The following SLC25A13 variants were observed in gnomAD, a reference collection of about 807,000 sequenced individuals.
SLC25A13 encodes the protein solute carrier family 25 member 13, also known as electrogenic aspartate/glutamate antiporter SLC25A13, mitochondrial.
Under a neutral mutation model 85.5 loss-of-function variants are expected in SLC25A13, and 70 were observed. That is an observed-to-expected ratio of 0.82 (90% CI 0.68 to 1.00). The LOEUF is 1.00. Ranked by LOEUF, SLC25A13 falls within the 50% of genes least tolerant of loss-of-function variation. The pLI is 0.00. For missense variants in SLC25A13, 765 were observed against 819.8 expected (o/e 0.93, Z 0.82); for synonymous variants, 259 against 288.7 (o/e 0.90, Z 1.04).
At chr7:96,193,260 A>T in intron 5 of SLC25A13, 77 bp from the exon 6 acceptor site, 1 of 1,540,876 alleles carries the variant, frequency 6.5e-7, no homozygotes, top group Non-Finnish European at 8.9e-7. Flanking sequence ...TCATTTTAAA[A>T]TCAGACTGAA....
At chr7:96,306,260 C>G (rs1799739034) in intron 1 of SLC25A13, among the ~76,000 whole-genome samples, 2 of 152,198 alleles carry the variant, frequency 1.3e-5, no homozygotes, top group Admixed American at 1.3e-4. Flanking sequence ...ATCCAGAGAT[C>G]AAAAGAAAAT....
chr7:96,202,245 C>T (rs1163199029), intron 5 of SLC25A13, among the ~76,000 whole-genome samples: 1 of 152,162 alleles, frequency 6.6e-6, no homozygotes, highest in African/African-American at 2.4e-5. Flanking sequence ...GTCTGGGATG[C>T]CAGACACAGC....
At chr7:96,272,219 C>T (rs1320389127) in intron 3 of SLC25A13, among the ~76,000 whole-genome samples, 3 of 152,010 alleles carry the variant, frequency 2.0e-5, no homozygotes, top group African/African-American at 7.2e-5. Context: ...AACATTTTTG[C>T]TCTTTCTTAT....
intron 1 of SLC25A13, among the ~76,000 whole-genome samples, chr7:96,314,815 G>T (rs1800071384): frequency 6.6e-6 from 1 of 152,128 alleles, no homozygotes; most frequent in South Asian, 2.1e-4. Context: ...ATCCAAAAAA[G>T]ACCTGCTCCC....
intron 2 of SLC25A13, among the ~76,000 whole-genome samples, chr7:96,279,877 T>C (rs1470550379): frequency 1.3e-5 from 2 of 152,152 alleles, no homozygotes; most frequent in Non-Finnish European, 2.9e-5. Context: ...ACAAAGCAAA[T>C]CATTCTCTCT....
chr7:96,154,113 C>T (rs1793156508), intron 13 of SLC25A13, among the ~76,000 whole-genome samples: 1 of 152,074 alleles, frequency 6.6e-6, no homozygotes, highest in Non-Finnish European at 1.5e-5. Flanking sequence ...AACAAAACCC[C>T]AACAGGGTTT....
intron 3 of SLC25A13, among the ~76,000 whole-genome samples, chr7:96,236,799 C>T (rs1796760755): frequency 6.6e-6 from 1 of 152,180 alleles, no homozygotes; most frequent in Non-Finnish European, 1.5e-5. Flanking sequence ...ATTTATTAAG[C>T]TTGTCTTGCA....
At chr7:96,293,006 G>A (rs1016923992) in intron 2 of SLC25A13, among the ~76,000 whole-genome samples, 12 of 152,094 alleles carry the variant, frequency 7.9e-5, no homozygotes, top group South Asian at 4.1e-4. Context: ...AGCCAGAGGC[G>A]TCACGTTACC....
At chr7:96,128,654 C>T (rs1319094331) in intron 15 of SLC25A13, among the ~76,000 whole-genome samples, 1 of 151,712 alleles carries the variant, frequency 6.6e-6, no homozygotes. Context: ...GGGCTTAAAA[C>T]CTAGATGATG....
intron 1 of SLC25A13, among the ~76,000 whole-genome samples, chr7:96,314,513 T>C (rs1743517129): frequency 6.6e-6 from 1 of 152,086 alleles, no homozygotes; most frequent in Non-Finnish European, 1.5e-5. Context: ...AACCAACACA[T>C]GTCTCAGCGT....
chr7:96,182,346 G>A (rs1794449067), intron 11 of SLC25A13, among the ~76,000 whole-genome samples: 1 of 152,164 alleles, frequency 6.6e-6, no homozygotes, highest in African/African-American at 2.4e-5. Context: ...AGGAAGAAAT[G>A]AACACAGGTG....
In SLC25A13 at chr7:96,189,398, A is replaced by C. The variant is rs575688499; in HGVS notation, c.849-20T>G. On this transcript the variant is annotated intron_variant, in intron 8 of 17. Coordinates refer to ENST00000265631, the MANE Select transcript of SLC25A13 (RefSeq NM_014251.3). ...ATACGTCTGTAGGGGAAAAACAAAC[A>C]CAAGCAACAAATATACCAATTTATT... 6.2e-7 allele frequency: 1 copy of C among 1,606,348 alleles called. No homozygotes were observed. The highest frequency in any genetic ancestry group is 1.1e-5 in the South Asian group (1 of 90,932).
intron 5 of SLC25A13, among the ~76,000 whole-genome samples, chr7:96,196,383 T>C (rs1795063450): frequency 1.3e-5 from 2 of 152,194 alleles, no homozygotes; most frequent in South Asian, 4.1e-4. Flanking sequence ...CAGACAATTA[T>C]ACCAAAAATG....
Position 96,294,870 on chromosome 7 carries a change from C to CT in SLC25A13, c.69+2027dup, listed in dbSNP as rs1197920696. Among the ~76,000 whole-genome samples the CT allele has an allele frequency of 1.1e-3, 164 of 151,930 alleles. 11 individuals are homozygous for CT. Among genetic ancestry groups the CT allele is most frequent in the Middle Eastern group, 0.01 (3 of 294 alleles). On this transcript the variant is annotated intron_variant, in intron 2 of 17. Transcript: ENST00000265631. ...ATCTAAATCTCCTTACAAATGTGTC[C>CT]TTTTTTTTCCTCCCCACAAAACTAT...
chr7:96,303,712 G>C (rs1433442967), intron 1 of SLC25A13, among the ~76,000 whole-genome samples: 1 of 152,076 alleles, frequency 6.6e-6, no homozygotes, highest in African/African-American at 2.4e-5. Context: ...GAAGTGTCTA[G>C]TTTTCCTGTG....
chr7:96,261,079 G>C (rs1797835579), intron 3 of SLC25A13, among the ~76,000 whole-genome samples: 1 of 151,992 alleles, frequency 6.6e-6, no homozygotes, highest in African/African-American at 2.4e-5. Context: ...CAGGCTCTTT[G>C]CACCTGTTAT....
intron 13 of SLC25A13, among the ~76,000 whole-genome samples, chr7:96,150,813 A>C (rs1793006260): frequency 6.6e-6 from 1 of 152,108 alleles, no homozygotes; most frequent in African/African-American, 2.4e-5. Flanking sequence ...TGTTTAAGCC[A>C]CCTAGTTTGT....
chr7:96,145,894 C>T (rs1584369548), intron 14 of SLC25A13, among the ~76,000 whole-genome samples: 1 of 152,058 alleles, frequency 6.6e-6, no homozygotes, highest in South Asian at 2.1e-4. Flanking sequence ...TCTCCCATAT[C>T]CCTAAAGGTT....
At chr7:96,251,214 G>A (rs1797411773) in intron 3 of SLC25A13, among the ~76,000 whole-genome samples, 1 of 152,122 alleles carries the variant, frequency 6.6e-6, no homozygotes, top group Non-Finnish European at 1.5e-5. Context: ...TGTGTTCAAG[G>A]TGCGGCAAGA....
Sources: gnomAD v4.1 joint callset for allele counts (sites outside exome capture counted in the v4.1 genomes callset) on GRCh38, gnomAD v4.1.1 for gene constraint, MANE v1.5 for transcripts, NCBI Gene and HGNC (gene_info 2026-07-23, HGNC 2026-07-21) for gene names.